P2RX5: variants seen among roughly 807,000 people sequenced by gnomAD.
The protein encoded by P2RX5 is P2X purinoceptor 5.
P2RX5 carries 46 observed loss-of-function variants against 54.1 expected under a neutral mutation model. That is an observed-to-expected ratio of 0.85 (90% confidence interval 0.67 to 1.09). P2RX5 has a LOEUF of 1.09. Among genes scored for constraint, P2RX5 ranks in the 50% least tolerant of loss-of-function variants. The pLI is 0.00. For synonymous variants in P2RX5, 226 were observed against 226.4 expected, an observed-to-expected ratio of 1.00 and a Z score of 0.02; for missense variants, 566 against 549.8, an observed-to-expected ratio of 1.03 and a Z score of -0.29.
chr17:3,685,647 A>AACCTCCCCC (rs2050429435), intron 9 of P2RX5: 2 of 44,830 alleles, frequency 4.5e-5, no homozygotes, highest in African/African-American at 6.8e-5. Flanking sequence ...GGACCCTCCC[A>AACCTCCCCC]GCGTCCCCCT....
chr17:3,723,630 T>C, the P2RX5 span: 9 of 1,483,702 alleles, frequency 6.1e-6, no homozygotes, highest in Admixed American at 1.9e-4. Context: ...TCCTGGCCTC[T>C]CGTTACCCGC....
Position 3,673,593 on chromosome 17 carries a change from C to A in P2RX5, c.*275G>T. The A allele has an allele frequency of 7.1e-7, 1 of 1,401,010 alleles. No homozygotes were observed. Among genetic ancestry groups the A allele is most frequent in the African/African-American group, 1.4e-5 (1 of 69,084 alleles). The allele number at this position is 1,401,010 out of a possible 1,614,324, so 86.8% of individuals were successfully genotyped here. A position where few individuals can be genotyped will look rare whatever the true frequency, so the allele number is the denominator to read the frequency against. Reference sequence around the variant, plus strand: ...GAAGTCATGTTCCCCATTTACAACCCGTTCCCTAGTGCGGGAAGCCAGCCA... The same window carrying A: ...GAAGTCATGTTCCCCATTTACAACCAGTTCCCTAGTGCGGGAAGCCAGCCA... On this transcript the variant is annotated 3_prime_UTR_variant, in exon 12 of 12. Coordinates refer to ENST00000225328, the MANE Select transcript of P2RX5 (RefSeq NM_002561.4).
the P2RX5 span, among the ~76,000 whole-genome samples, chr17:3,705,167 C>T: frequency 6.6e-6 from 1 of 152,156 alleles, no homozygotes; most frequent in African/African-American, 2.4e-5. Flanking sequence ...CACACGCATC[C>T]GCTCCTCTCC....
In P2RX5 at chr17:3,696,100, C is replaced by T; in HGVS notation, c.-95G>A. On this transcript the variant is annotated 5_prime_UTR_variant, in exon 1 of 12. Transcript: ENST00000225328. ...GTCCCTGCGCGCCCGGCGCCCGCCT[C>T]GGCCCGTCTGCGCCCGCTCAGCTGC... 2 of 1,372,330 alleles carry T rather than the reference C, an allele frequency of 1.5e-6. No individual in the cohort carries two copies. Among genetic ancestry groups the T allele is most frequent in the Non-Finnish European group, 9.6e-7 (1 of 1,040,862 alleles). The allele number at this position is 1,372,330 out of a possible 1,614,324, so 85.0% of individuals were successfully genotyped here.
intron 8 of P2RX5, 115 bp from the exon 9 acceptor site, chr17:3,688,220 C>A (rs185672409): frequency 5.4e-5 from 38 of 708,290 alleles, no homozygotes; most frequent in Non-Finnish European, 9.3e-5. Flanking sequence ...TGACTCTCAG[C>A]AGCCCCAGGA....
the P2RX5 span, among the ~76,000 whole-genome samples, chr17:3,705,102 T>C: frequency 6.6e-6 from 1 of 152,176 alleles, no homozygotes; most frequent in Middle Eastern, 3.2e-3. Context: ...ACGCACATCT[T>C]GTTCTAACTC....
chr17:3,677,408 T>C, intron 11 of P2RX5: 1 of 985,316 alleles, frequency 1.0e-6, no homozygotes, highest in African/African-American at 1.7e-5. Context: ...TTACCTAGAC[T>C]CCCCAGGAGC....
intron 11 of P2RX5, among the ~76,000 whole-genome samples, chr17:3,674,188 G>A (rs535327376): frequency 2.0e-5 from 3 of 152,212 alleles, no homozygotes; most frequent in Admixed American, 6.5e-5. Context: ...GCGAGCGCCT[G>A]TAGTCCCAGC....
In P2RX5 at chr17:3,690,524, C is replaced by T. The variant is rs1233414139; in HGVS notation, c.437-1G>A. Reference sequence around the variant, plus strand: ...CGCAGGCAGCGGCCGGTCTTCACTCCTGCAGGGGTGGGACAGGATCAATGC... The same window carrying T: ...CGCAGGCAGCGGCCGGTCTTCACTCTTGCAGGGGTGGGACAGGATCAATGC... On this transcript the variant is annotated splice_acceptor_variant, in intron 4 of 11. Coordinates refer to ENST00000225328, the MANE Select transcript of P2RX5 (RefSeq NM_002561.4). LOFTEE classifies it high-confidence loss of function. The T allele has an allele frequency of 6.8e-6, 11 of 1,613,420 alleles. No homozygotes were observed. The highest frequency in any genetic ancestry group is 1.6e-4 in the Middle Eastern group (1 of 6,082).
chr17:3,679,234 A>G (rs1460407215), intron 11 of P2RX5, among the ~76,000 whole-genome samples: 1 of 152,216 alleles, frequency 6.6e-6, no homozygotes, highest in Admixed American at 6.5e-5. Context: ...AAAATGGGGA[A>G]GATCGGTGTC....
chr17:3,674,601 C>A lies in P2RX5; in HGVS notation c.1260-724G>T, dbSNP rs556487247. 5.9e-5 allele frequency among the ~76,000 whole-genome samples: 9 copies of A among 152,304 alleles called. No homozygotes were observed. In the South Asian group the frequency reaches 1.4e-3, roughly 25 times the overall value. ...AAGGAAGCAAAGTCTAAAGGGGCAA[C>A]CTTGCAGCTAAAGACCGTCAACTTC... On this transcript the variant is annotated intron_variant, in intron 11 of 11. Transcript: ENST00000225328.
At chr17:3,707,926 C>T in the P2RX5 span, among the ~76,000 whole-genome samples, 63 of 152,036 alleles carry the variant, frequency 4.1e-4, no homozygotes, top group South Asian at 2.1e-4. Context: ...GGCTTGGTGG[C>T]GGGCGCCTGT....
rs749546866 is a variant in P2RX5, at chr17:3,690,962, AC to A, written c.353del (p.Cys118LeufsTer30). On this transcript the variant is annotated frameshift_variant, in exon 3 of 12. Transcript: ENST00000225328. LOFTEE classifies it high-confidence loss of function. ...IVTPNQRQNVCAENEGIPDGA... is the reference protein window; with the variant it reads ...IVTPNQRQNVXAENEGIPDGA... ...GCCCCTCGCCAAATCAAACCTCAGC[AC>A]AGACGTTCTGCCGCTGGTTGGGGGT... 6.9e-6 allele frequency: 11 copies of A among 1,597,780 alleles called. No individual in the cohort carries two copies. In the South Asian group the frequency reaches 1.1e-4, roughly 16 times the overall value.
At chr17:3,712,772 A>G in the P2RX5 span, among the ~76,000 whole-genome samples, 57,639 of 151,898 alleles carry the variant, frequency 0.38, 13,042 homozygotes, top group South Asian at 0.59. Context: ...GTGAAACCCC[A>G]TCTCTACTAA....
intron 2 of P2RX5, 142 bp downstream of exon 2, chr17:3,691,502 T>C (rs1170234223): frequency 4.9e-6 from 5 of 1,011,802 alleles, no homozygotes; most frequent in Admixed American, 4.0e-5. Context: ...ACAGGGTTGC[T>C]CTCTGCAAGC....
chr17:3,682,508 C>T (rs758946827), intron 9 of P2RX5: 31 of 193,272 alleles, frequency 1.6e-4, no homozygotes, highest in Middle Eastern at 2.4e-3. Context: ...TGGGAAATGC[C>T]GCAGGGCCTG....
In P2RX5 at chr17:3,688,693, G is replaced by A. The variant is rs2050517886; in HGVS notation, c.820C>T (p.Pro274Ser). The A allele has an allele frequency of 3.1e-6, 5 of 1,613,356 alleles. No individual in the cohort carries two copies. Among genetic ancestry groups the A allele is most frequent in the Non-Finnish European group, 4.2e-6 (5 of 1,179,358 alleles). The change falls in exon 8 of 12, where the codon CCT becomes TCT. Residue 274 changes from proline (P) to serine (S), a missense_variant. Transcript: ENST00000225328. ...DLDKAASECH[P>S]HYSFSRLDNK... Reference sequence around the variant, plus strand: ...TCCAGACGGCTAAAAGAATAGTGAGGGTGGCACTCAGAGGCAGCTTTATCA... The same window carrying A: ...TCCAGACGGCTAAAAGAATAGTGAGAGTGGCACTCAGAGGCAGCTTTATCA...
chr17:3,676,585 C>T (rs779010176), intron 11 of P2RX5: 33 of 985,230 alleles, frequency 3.3e-5, no homozygotes, highest in Non-Finnish European at 3.7e-5. Context: ...TAAGTCTGAC[C>T]TAGAAATTGG....
intron 7 of P2RX5, among the ~76,000 whole-genome samples, chr17:3,688,981 G>C (rs571328396): frequency 1.3e-5 from 2 of 152,340 alleles, no homozygotes; most frequent in East Asian, 3.9e-4. Context: ...AGGGAGAAGG[G>C]AGCCGCACAG....
Sources: gnomAD v4.1 joint callset for allele counts (sites outside exome capture counted in the v4.1 genomes callset) on GRCh38, gnomAD v4.1.1 for gene constraint, MANE v1.5 for transcripts, NCBI Gene and HGNC (gene_info 2026-07-23, HGNC 2026-07-21) for gene names.